Variants in TMTC2 observed in about 807,000 individuals in gnomAD.
TMTC2 encodes the protein transmembrane O-mannosyltransferase targeting cadherins 2.
In TMTC2, 43 loss-of-function variants were observed where a neutral mutation model predicts 82.4. The ratio of observed to expected loss-of-function variants is 0.52; its 90% CI spans 0.41 to 0.67. The LOEUF (loss-of-function observed/expected upper bound fraction) is 0.67. Among genes scored for constraint, TMTC2 ranks in the 30% least tolerant of loss-of-function variants. The pLI is 0.00. For missense variants in TMTC2, 919 were observed against 1,012.4 expected (o/e 0.91, Z 1.25); for synonymous variants, 408 against 381.9 (o/e 1.07, Z -0.80).
intron 8 of TMTC2, among the ~76,000 whole-genome samples, chr12:83,012,263 C>CA (rs375050240): frequency 6.7e-6 from 1 of 149,224 alleles, no homozygotes; most frequent in African/African-American, 2.5e-5. Flanking sequence ...ACATGGTGGA[C>CA]AAAAAAATGA....
intron 4 of TMTC2, among the ~76,000 whole-genome samples, chr12:82,939,571 C>T (rs1379467453): frequency 1.3e-5 from 2 of 151,954 alleles, no homozygotes; most frequent in African/African-American, 2.4e-5. Flanking sequence ...AACTAAAATT[C>T]CCATTATAAT....
At chr12:82,895,650 A>T (rs2137179111) in intron 2 of TMTC2, among the ~76,000 whole-genome samples, 168 bp from the exon 3 acceptor site, 1 of 152,300 alleles carries the variant, frequency 6.6e-6, no homozygotes, top group Middle Eastern at 3.4e-3. Flanking sequence ...GGAGATTAAA[A>T]TTTCTCTAGG....
intron 11 of TMTC2, among the ~76,000 whole-genome samples, chr12:83,101,881 G>A (rs1044283359): frequency 1.3e-5 from 2 of 152,174 alleles, no homozygotes; most frequent in African/African-American, 2.4e-5. Flanking sequence ...AGATCTAGGG[G>A]CTTTGTATGC....
At chr12:82,856,368 G>A (rs1038974286) in intron 1 of TMTC2, among the ~76,000 whole-genome samples, 3 of 152,304 alleles carry the variant, frequency 2.0e-5, no homozygotes, top group South Asian at 2.1e-4. Context: ...GATAGGTGGA[G>A]AGCCATTCTT....
At chr12:83,097,771 A>C (rs537010506) in intron 11 of TMTC2, among the ~76,000 whole-genome samples, 1 of 152,354 alleles carries the variant, frequency 6.6e-6, no homozygotes, top group African/African-American at 2.4e-5. Context: ...AATCTGGAAC[A>C]GGAAAAGATT....
At chr12:83,077,867 CCAGA>C (rs111923712) in intron 11 of TMTC2, among the ~76,000 whole-genome samples, 6,351 of 146,998 alleles carry the variant, frequency 0.043, 162 homozygotes, top group East Asian at 0.092. Flanking sequence ...GCCACCATGC[CCAGA>C]CAATCTGTCT....
chr12:82,874,911 AT>A (rs1359573458), intron 2 of TMTC2, among the ~76,000 whole-genome samples: 1 of 152,130 alleles, frequency 6.6e-6, no homozygotes, highest in African/African-American at 2.4e-5. Flanking sequence ...TTTGAAATTA[AT>A]TTTTTTAATT....
At chr12:82,845,184 G>A (rs573717306) in intron 1 of TMTC2, among the ~76,000 whole-genome samples, 2 of 128,886 alleles carry the variant, frequency 1.6e-5, no homozygotes, top group East Asian at 2.4e-4. Flanking sequence ...AGCCGAGATC[G>A]TGCCACTGCT....
intron 1 of TMTC2, among the ~76,000 whole-genome samples, chr12:82,751,539 A>T (rs1018360425): frequency 8.6e-5 from 13 of 151,990 alleles, no homozygotes; most frequent in African/African-American, 3.1e-4. Context: ...AAGTATAATA[A>T]TAATAAAATA....
rs58427886 is a variant in TMTC2 at position 82,752,147 on chromosome 12, C to CATTTTTTT, written c.83+64478_83+64479insATTTTTTT. 5.8e-5 allele frequency among the ~76,000 whole-genome samples: 8 copies of CATTTTTTT among 137,928 alleles called. 4 individuals are homozygous for CATTTTTTT. Among genetic ancestry groups the CATTTTTTT allele is most frequent in the Admixed American group, 1.5e-4 (2 of 13,450 alleles). The allele number at this position is 137,928 out of a possible 152,430, so 90.5% of individuals were successfully genotyped here. A position where few individuals can be genotyped will look rare whatever the true frequency, so the allele number is the denominator to read the frequency against. ...ATGTTTTTATATTTATTGGAAGCTC[C>CATTTTTTT]TTTTTTTTTTTTTTTTTTTCTGAAG... On this transcript the variant is annotated intron_variant, in intron 1 of 11. Coordinates refer to ENST00000321196, the MANE Select transcript of TMTC2 (RefSeq NM_152588.3).
chr12:83,054,706 G>T (rs1409822668), intron 10 of TMTC2, among the ~76,000 whole-genome samples: 1 of 151,096 alleles, frequency 6.6e-6, no homozygotes. Flanking sequence ...TAGCATATAT[G>T]CTATATATAA....
intron 11 of TMTC2, among the ~76,000 whole-genome samples, chr12:83,095,291 AGT>A (rs1481490547): frequency 2.1e-5 from 3 of 145,204 alleles, no homozygotes; most frequent in African/African-American, 7.7e-5. Flanking sequence ...CCCAGGCTGG[AGT>A]GCAGTGGCGT....
At chr12:82,963,831 A>C (rs1335333933) in intron 4 of TMTC2, among the ~76,000 whole-genome samples, 2 of 97,158 alleles carry the variant, frequency 2.1e-5, no homozygotes, top group African/African-American at 1.2e-4. Flanking sequence ...ATATATATAT[A>C]TATATATATA....
chr12:82,715,499 T>C (rs1383534049), intron 1 of TMTC2, among the ~76,000 whole-genome samples: 3 of 152,158 alleles, frequency 2.0e-5, no homozygotes, highest in Non-Finnish European at 4.4e-5. Context: ...ACAAAGTCTG[T>C]TGGCCACGCA....
chr12:82,821,389 A>T (rs1298965060), intron 1 of TMTC2, among the ~76,000 whole-genome samples: 1 of 152,168 alleles, frequency 6.6e-6, no homozygotes, highest in African/African-American at 2.4e-5. Flanking sequence ...TACTGTTTTA[A>T]TTATCAACTC....
chr12:82,696,716 G>T (rs1592854284), intron 1 of TMTC2, among the ~76,000 whole-genome samples: 1 of 152,198 alleles, frequency 6.6e-6, no homozygotes, highest in African/African-American at 2.4e-5. Flanking sequence ...TTCTAGGAGG[G>T]AATTATTGGT....
intron 4 of TMTC2, among the ~76,000 whole-genome samples, chr12:82,944,261 A>G (rs1876870495): frequency 6.6e-6 from 1 of 152,146 alleles, no homozygotes; most frequent in Admixed American, 6.5e-5. Flanking sequence ...AATCCTAGGG[A>G]ATACCGATAT....
chr12:82,882,871 C>T (rs1002662889), intron 2 of TMTC2, among the ~76,000 whole-genome samples: 2 of 151,974 alleles, frequency 1.3e-5, no homozygotes, highest in African/African-American at 2.4e-5. Flanking sequence ...GCCTGATCAA[C>T]ATCGTGAAAC....
intron 11 of TMTC2, among the ~76,000 whole-genome samples, chr12:83,075,715 A>G (rs959263356): frequency 9.2e-5 from 14 of 152,276 alleles, no homozygotes; most frequent in South Asian, 4.1e-4. Flanking sequence ...ATAGATGTTC[A>G]TTTCCCTGAC....
Sources: gnomAD v4.1 joint callset for allele counts (sites outside exome capture counted in the v4.1 genomes callset) on GRCh38, gnomAD v4.1.1 for gene constraint, MANE v1.5 for transcripts, NCBI Gene and HGNC (gene_info 2026-07-23, HGNC 2026-07-21) for gene names.